Variants in PALLD observed in about 807,000 individuals in gnomAD.
The protein encoded by PALLD is palladin.
A neutral mutation model predicts 123.5 loss-of-function variants in PALLD; 61 were observed. That is an observed-to-expected ratio of 0.49 (90% CI 0.40 to 0.61). The LOEUF is 0.61. Among genes scored for constraint, PALLD ranks in the 20% least tolerant of loss-of-function variants. PALLD has a pLI of 0.00. For synonymous variants in PALLD, 465 were observed against 496.4 expected, an observed-to-expected ratio of 0.94 and a Z score of 0.84; for missense variants, 1,273 against 1,377.0, an observed-to-expected ratio of 0.92 and a Z score of 1.20.
intron 2 of PALLD, among the ~76,000 whole-genome samples, chr4:168,622,140 C>G (rs1221729209): frequency 1.3e-5 from 2 of 152,160 alleles, no homozygotes; most frequent in Non-Finnish European, 2.9e-5. Context: ...ATTCCATAGG[C>G]TCTGGGTCAA....
At chr4:168,519,809 G>A (rs1414785534) in intron 2 of PALLD, among the ~76,000 whole-genome samples, 1 of 152,068 alleles carries the variant, frequency 6.6e-6, no homozygotes, top group Non-Finnish European at 1.5e-5. Context: ...TAGACAATAG[G>A]AACAAGCACA....
rs6849828 is a variant in PALLD, at chr4:168,632,554, C to T, written c.909-35636C>T. On this transcript the variant is annotated intron_variant, in intron 2 of 21. Coordinates refer to ENST00000505667, the MANE Select transcript of PALLD (RefSeq NM_001166108.2). ...ATTGCAGTTCTTTGTCTAACCAAAT[C>T]CAATGCTACTTTCCCGGTTCTCCTC... Among the ~76,000 whole-genome samples the T allele has an allele frequency of 4.5e-3, 686 of 152,294 alleles. 2 individuals carry two copies. Among genetic ancestry groups the T allele is most frequent in the African/African-American group, 0.015 (632 of 41,574 alleles).
At chr4:168,634,913 A>G (rs1171186331) in intron 2 of PALLD, among the ~76,000 whole-genome samples, 1 of 151,622 alleles carries the variant, frequency 6.6e-6, no homozygotes, top group Non-Finnish European at 1.5e-5. Flanking sequence ...CTCCCTATTT[A>G]TTATATGCTT....
intron 10 of PALLD, among the ~76,000 whole-genome samples, chr4:168,837,436 T>G (rs910306996): frequency 1.3e-5 from 2 of 152,246 alleles, no homozygotes; most frequent in Admixed American, 6.5e-5. Flanking sequence ...TGTAGACATC[T>G]TATTTTTCTT....
intron 10 of PALLD, among the ~76,000 whole-genome samples, chr4:168,883,180 A>G (rs114585548): frequency 0.012 from 1,773 of 152,192 alleles, 49 homozygotes; most frequent in African/African-American, 0.04. Flanking sequence ...ATATTACAAT[A>G]AAGTTATCTA....
At chr4:168,671,946 T>G (rs879359812) in intron 3 of PALLD, among the ~76,000 whole-genome samples, 4 of 152,224 alleles carry the variant, frequency 2.6e-5, no homozygotes, top group East Asian at 3.8e-4. Context: ...TAAATTCCAC[T>G]GTCCCATGCG....
intron 10 of PALLD, among the ~76,000 whole-genome samples, chr4:168,759,582 GAACCT>G (rs1402605913): frequency 6.6e-6 from 1 of 151,882 alleles, no homozygotes; most frequent in African/African-American, 2.4e-5. Context: ...GGGGAAAGAG[GAACCT>G]GTGAGAAGAA....
At chr4:168,542,220 G>A (rs1765683759) in intron 2 of PALLD, among the ~76,000 whole-genome samples, 1 of 152,022 alleles carries the variant, frequency 6.6e-6, no homozygotes. Context: ...AGCCTGAGCA[G>A]TTTGTCTCTG....
At chr4:168,540,460 C>G (rs1421162936) in intron 2 of PALLD, among the ~76,000 whole-genome samples, 1 of 152,060 alleles carries the variant, frequency 6.6e-6, no homozygotes, top group African/African-American at 2.4e-5. Flanking sequence ...AGGGTTCATG[C>G]TAATTATGTT....
At chr4:168,717,177 T>C (rs557540034) in intron 10 of PALLD, among the ~76,000 whole-genome samples, 25 of 152,308 alleles carry the variant, frequency 1.6e-4, no homozygotes, top group African/African-American at 6.0e-4. Flanking sequence ...CTGACTGTCT[T>C]ATTTCATTGC....
rs546602865 is a variant in PALLD at position 168,833,625 on chromosome 4, C to T, written c.1965-57297C>T. Among the ~76,000 whole-genome samples the T allele has an allele frequency of 4.7e-4, 71 of 152,120 alleles. 1 individual carries two copies. Among genetic ancestry groups the T allele is most frequent in the Non-Finnish European group, 9.0e-4 (61 of 67,996 alleles). Reference sequence around the variant, plus strand: ...TTTCTTGATTTGTGTTATGCAGGCTCCTGTCAGGACTGTCTCCTTAACTCC... The same window carrying T: ...TTTCTTGATTTGTGTTATGCAGGCTTCTGTCAGGACTGTCTCCTTAACTCC... On this transcript the variant is annotated intron_variant, in intron 10 of 21. Coordinates refer to ENST00000505667, the MANE Select transcript of PALLD (RefSeq NM_001166108.2).
At chr4:168,761,649 T>TTTTTTTTTTG (rs1732899961) in intron 10 of PALLD, among the ~76,000 whole-genome samples, 1 of 34,962 alleles carries the variant, frequency 2.9e-5, no homozygotes, top group African/African-American at 1.3e-4. Context: ...TTGTTTGTTT[T>TTTTTTTTTTG]TTTTTTTTTT....
At chr4:168,549,347 G>C (rs1346031367) in intron 2 of PALLD, among the ~76,000 whole-genome samples, 2 of 151,366 alleles carry the variant, frequency 1.3e-5, no homozygotes, top group Non-Finnish European at 2.9e-5. Context: ...CATCTCGGTG[G>C]GTGTTCAAAA....
chr4:168,761,919 G>A (rs1407478230), intron 10 of PALLD, among the ~76,000 whole-genome samples: 2 of 151,848 alleles, frequency 1.3e-5, no homozygotes, highest in Admixed American at 6.6e-5. Flanking sequence ...CCATGTTTAA[G>A]TTTTATCACT....
Position 168,853,994 on chromosome 4 carries a change from C to T in PALLD, c.1965-36928C>T, listed in dbSNP as rs144423647. On this transcript the variant is annotated intron_variant, in intron 10 of 21. Transcript: ENST00000505667. ...GAGGAAGAGAGGATTCCAGTAACAA[C>T]TAAGCACTATTCTCTTTTAATCTCT... Among the ~76,000 whole-genome samples, 1,113 of 152,278 alleles carry T rather than the reference C, an allele frequency of 7.3e-3. 18 individuals are homozygous for T. Among genetic ancestry groups the T allele is most frequent in the African/African-American group, 0.023 (967 of 41,528 alleles).
intron 10 of PALLD, 22 bp from the exon 11 acceptor site, chr4:168,890,900 G>A (rs1390748044): frequency 6.2e-7 from 1 of 1,613,444 alleles, no homozygotes; most frequent in Non-Finnish European, 8.5e-7. Context: ...TAACTATACT[G>A]CCTTGTGTTT....
At chr4:168,512,504 C>T in intron 2 of PALLD, 92 bp downstream of exon 2, 1 of 1,190,202 alleles carries the variant, frequency 8.4e-7, no homozygotes, top group Non-Finnish European at 1.2e-6. Flanking sequence ...GTGTCATTAG[C>T]CCTCTGGAGA....
intron 2 of PALLD, among the ~76,000 whole-genome samples, chr4:168,608,919 G>T (rs956722488): frequency 6.6e-6 from 1 of 151,494 alleles, no homozygotes; most frequent in African/African-American, 2.4e-5. Context: ...ACAAAGAAGG[G>T]GACATCCCCC....
chr4:168,517,778 CGTT>C (rs1763129955), intron 2 of PALLD, among the ~76,000 whole-genome samples: 1 of 152,092 alleles, frequency 6.6e-6, no homozygotes. Context: ...CCAGGAGTAT[CGTT>C]GTTGTTAAAG....
Sources: gnomAD v4.1 joint callset for allele counts (sites outside exome capture counted in the v4.1 genomes callset) on GRCh38, gnomAD v4.1.1 for gene constraint, MANE v1.5 for transcripts, NCBI Gene and HGNC (gene_info 2026-07-23, HGNC 2026-07-21) for gene names.